Variants in SIRT1 observed in about 807,000 individuals in gnomAD.
SIRT1 encodes the protein sirtuin 1, also known as NAD-dependent protein deacetylase sirtuin-1.
Under a neutral mutation model 67.9 loss-of-function variants are expected in SIRT1, and 24 were observed. The observed-to-expected ratio is 0.35, with a 90% CI of 0.26 to 0.50. SIRT1 has a LOEUF of 0.50. SIRT1 is among the 20% of genes least tolerant of loss of function. The probability of loss-of-function intolerance (pLI) is 0.98; values close to 1 mark genes in which losing one functional copy is unlikely to be tolerated. For synonymous variants in SIRT1, 378 were observed against 350.7 expected (o/e 1.08, Z -0.87); for missense variants, 873 against 937.2 (o/e 0.93, Z 0.89).
chr10:67,906,347 A>G, intron 4 of SIRT1: 2 of 1,507,694 alleles, frequency 1.3e-6, no homozygotes, highest in East Asian at 2.5e-5. Flanking sequence ...TGAATGATAA[A>G]TCAAAAAAAA....
At position 67,912,884 on chromosome 10, in the gene SIRT1, A is replaced by G; in HGVS notation, c.1768A>G (p.Ser590Gly). The change falls in exon 8 of 9, where the codon AGT becomes GGT. Residue 590 changes from serine to glycine, a missense_variant. This residue lies in a region of SIRT1 where 295 missense variants were observed against 294.5 expected (regional missense o/e 1.00). Coordinates refer to ENST00000212015, the MANE Select transcript of SIRT1 (RefSeq NM_012238.5). ...QEVQTSRNVE[S>G]IAEQMENPDL... ...AGTACAAACTTCTAGGAATGTTGAAAGTATTGCTGAACAGATGGAAAATCC... is the reference window on the plus strand; with the variant it reads ...AGTACAAACTTCTAGGAATGTTGAAGGTATTGCTGAACAGATGGAAAATCC... 6.2e-7 allele frequency: 1 copy of G among 1,614,176 alleles called. No homozygotes were observed. Among genetic ancestry groups the G allele is most frequent in the Non-Finnish European group, 8.5e-7 (1 of 1,180,030 alleles).
chr10:67,891,480 C>A lies in SIRT1; in HGVS notation c.868C>A (p.Leu290Ile), dbSNP rs1329525494. 2 of 1,614,102 alleles carry A rather than the reference C, an allele frequency of 1.2e-6. No individual in the cohort carries two copies. The highest frequency in any genetic ancestry group is 1.7e-6 in the Non-Finnish European group (2 of 1,179,958). ...YARLAVDFPDLPDPQAMFDIE... is the reference protein window; with the variant it reads ...YARLAVDFPDIPDPQAMFDIE... Reference sequence around the variant, plus strand: ...TCGCCTTGCTGTAGACTTCCCAGATCTTCCAGATCCTCAAGCGATGTTTGA... The same window carrying A: ...TCGCCTTGCTGTAGACTTCCCAGATATTCCAGATCCTCAAGCGATGTTTGA... Residue 290 changes from leucine to isoleucine, a missense_variant, in exon 4 of 9, where the codon CTT becomes ATT. Around this residue, in one of 3 missense-constraint regions of SIRT1, gnomAD observed 251 missense variants for 358.8 expected, o/e 0.70. Coordinates refer to ENST00000212015, the MANE Select transcript of SIRT1 (RefSeq NM_012238.5).
chr10:67,888,849 A>C (rs778104389), intron 2 of SIRT1, 33 bp from the exon 3 acceptor site: 7 of 1,559,130 alleles, frequency 4.5e-6, no homozygotes, highest in Non-Finnish European at 1.7e-6. Context: ...TTACTTGATA[A>C]GTTGACTTTA....
intron 4 of SIRT1, among the ~76,000 whole-genome samples, chr10:67,901,408 A>G (rs1468942681): frequency 1.3e-5 from 2 of 152,184 alleles, no homozygotes; most frequent in Non-Finnish European, 1.5e-5. Context: ...TGTGACCAAA[A>G]TGGCAAGTTA....
At chr10:67,913,808 G>C (rs1251054436) in intron 8 of SIRT1, among the ~76,000 whole-genome samples, 1 of 152,086 alleles carries the variant, frequency 6.6e-6, no homozygotes. Context: ...TACCATACTT[G>C]GCGAAAACTG....
chr10:67,892,518 A>T (rs936395619), intron 4 of SIRT1, among the ~76,000 whole-genome samples: 1 of 152,100 alleles, frequency 6.6e-6, no homozygotes, highest in Admixed American at 6.5e-5. Context: ...GACTGAGTGA[A>T]CCATGATCTG....
intron 4 of SIRT1, among the ~76,000 whole-genome samples, chr10:67,904,189 C>T (rs943883958): frequency 1.1e-4 from 16 of 145,014 alleles, no homozygotes; most frequent in African/African-American, 3.6e-4. Context: ...AGCAGTGATA[C>T]GATCATAGCT....
At position 67,914,800 on chromosome 10, in the gene SIRT1, C is replaced by T. The variant is rs548499588; in HGVS notation, c.1916-1465C>T. Among the ~76,000 whole-genome samples the T allele has an allele frequency of 9.3e-5, 14 of 150,078 alleles. No homozygotes were observed. The East Asian group carries it at 2.6e-3, about 28-fold the overall frequency. The stretch of plus-strand genomic sequence containing the variant: ...TCGGTTCACGGCAACCTCCGCCTCC[C>T]GGGTTCAAGCGATTCTCCTGCCTCA... On this transcript the variant is annotated intron_variant, in intron 8 of 8. Coordinates refer to ENST00000212015, the MANE Select transcript of SIRT1 (RefSeq NM_012238.5).
intron 8 of SIRT1, among the ~76,000 whole-genome samples, chr10:67,915,389 C>T (rs768102004): frequency 2.6e-5 from 4 of 152,190 alleles, no homozygotes; most frequent in Non-Finnish European, 5.9e-5. Context: ...TACTCTTTCA[C>T]TTAAACCCCA....
intron 4 of SIRT1, among the ~76,000 whole-genome samples, chr10:67,905,544 C>T (rs1255352973): frequency 6.6e-6 from 1 of 152,018 alleles, no homozygotes; most frequent in Non-Finnish European, 1.5e-5. Flanking sequence ...GGTAGTAGAA[C>T]CTAGAAGTTG....
intron 4 of SIRT1, among the ~76,000 whole-genome samples, chr10:67,892,039 G>A (rs1842581894): frequency 6.6e-6 from 1 of 152,142 alleles, no homozygotes; most frequent in Non-Finnish European, 1.5e-5. Context: ...CTGCTCTAGA[G>A]TTGCACCGTC....
intron 7 of SIRT1, among the ~76,000 whole-genome samples, chr10:67,909,807 T>A (rs1172239164): frequency 6.6e-6 from 1 of 151,962 alleles, no homozygotes; most frequent in Non-Finnish European, 1.5e-5. Context: ...ACTCCTCAGC[T>A]CAGGTGATCC....
At chr10:67,899,548 T>C (rs908754440) in intron 4 of SIRT1, among the ~76,000 whole-genome samples, 18 of 152,034 alleles carry the variant, frequency 1.2e-4, no homozygotes, top group African/African-American at 4.3e-4. Flanking sequence ...CATAAGTTTT[T>C]AATACTTGAT....
chr10:67,915,292 A>AT (rs2029880435), intron 8 of SIRT1, among the ~76,000 whole-genome samples: 2 of 152,168 alleles, frequency 1.3e-5, no homozygotes, highest in African/African-American at 2.4e-5. Flanking sequence ...AATAAATACT[A>AT]CATCTATTAT....
chr10:67,916,802 T>TTTA lies in SIRT1; in HGVS notation c.*209_*210insTTA, dbSNP rs397965848. 2.5e-4 allele frequency: 70 copies of TTTA among 283,108 alleles called. No individual in the cohort carries two copies. Among genetic ancestry groups the TTTA allele is most frequent in the Non-Finnish European group, 3.5e-4 (54 of 154,292 alleles). 17.5% of individuals were successfully genotyped at this position (283,108 alleles called of 1,614,324 possible). A position where few individuals can be genotyped will look rare whatever the true frequency, so the allele number is the denominator to read the frequency against. ...AACTCAACACTAACTTTTTTTTTTT[T>TTTA]AAAAAAAAAAAGGTACTAAGTATCT... On this transcript the variant is annotated 3_prime_UTR_variant, in exon 9 of 9. Coordinates refer to ENST00000212015, the MANE Select transcript of SIRT1 (RefSeq NM_012238.5).
chr10:67,904,764 A>T (rs1842796071), intron 4 of SIRT1, among the ~76,000 whole-genome samples: 2 of 152,044 alleles, frequency 1.3e-5, no homozygotes, highest in Non-Finnish European at 2.9e-5. Flanking sequence ...GAATCACTTG[A>T]ACCCGGGAGG....
At chr10:67,903,023 G>A (rs911948655) in intron 4 of SIRT1, among the ~76,000 whole-genome samples, 3 of 152,160 alleles carry the variant, frequency 2.0e-5, no homozygotes, top group Admixed American at 6.6e-5. Context: ...CCCAGGAGAG[G>A]TGGAGGTTGC....
chr10:67,886,468 T>C (rs1252798540), intron 1 of SIRT1, among the ~76,000 whole-genome samples: 2 of 151,254 alleles, frequency 1.3e-5, no homozygotes, highest in Non-Finnish European at 2.9e-5. Context: ...CGCACACCTT[T>C]AGTCCCAGGT....
chr10:67,889,199 G>A lies in SIRT1; in HGVS notation c.789+76G>A. 3 of 1,459,244 alleles carry A rather than the reference G, an allele frequency of 2.1e-6. No homozygotes were observed. The South Asian group carries it at 4.3e-5, about 21-fold the overall frequency. The allele number at this position is 1,459,244 out of a possible 1,614,324, so 90.4% of individuals were successfully genotyped here. On this transcript the variant is annotated intron_variant, in intron 3 of 8. Coordinates refer to ENST00000212015, the MANE Select transcript of SIRT1 (RefSeq NM_012238.5). ...TTTCCAAGTAGGAAACATTTTTCTGGTTTAGAAGGATTTATCCTTACATGA... is the reference window on the plus strand; with the variant it reads ...TTTCCAAGTAGGAAACATTTTTCTGATTTAGAAGGATTTATCCTTACATGA...
Sources: allele counts gnomAD v4.1 joint callset (sites outside exome capture counted in the v4.1 genomes callset), GRCh38; gene constraint gnomAD v4.1.1; regional missense constraint gnomAD v4.1.1; transcripts MANE v1.5; gene names NCBI Gene and HGNC (gene_info 2026-07-23, HGNC 2026-07-21).